GARIN1A: variants seen among roughly 807,000 people sequenced by gnomAD.
GARIN1A encodes Golgi-associated RAB2 interactor protein 1A.
the GARIN1A span, chr7:128,677,587 A>G: frequency 6.2e-7 from 1 of 1,610,496 alleles, no homozygotes; most frequent in South Asian, 1.1e-5. Context: ...AAGTACGTGG[A>G]GCTACGAATC....
At chr7:128,701,352 A>G in the GARIN1A span, among the ~76,000 whole-genome samples, 2 of 22,580 alleles carry the variant, frequency 8.9e-5, no homozygotes, top group Non-Finnish European at 8.5e-5. Flanking sequence ...GGGGGAGGGG[A>G]GGGGAAGGGG....
the GARIN1A span, among the ~76,000 whole-genome samples, chr7:128,695,756 C>A: frequency 1.3e-5 from 2 of 152,026 alleles, no homozygotes; most frequent in Non-Finnish European, 2.9e-5. This position sits in a 1 kb window ranked among gnomAD's most constrained non-coding sequence, Gnocchi z 4.5. Context: ...GTTGGCCAAG[C>A]TGGTCTTGAA....
chr7:128,688,770 TC>T, the GARIN1A span, among the ~76,000 whole-genome samples: 16 of 6,994 alleles, frequency 2.3e-3, 1 homozygote, highest in African/African-American at 8.9e-3. Flanking sequence ...CCCCTCCCCC[TC>T]CCCTCCCCCT....
the GARIN1A span, chr7:128,684,937 T>G: frequency 6.6e-6 from 1 of 151,814 alleles, no homozygotes; most frequent in East Asian, 1.9e-4. Flanking sequence ...AGTCTTGTTC[T>G]GTTGCCTAGG....
the GARIN1A span, chr7:128,677,864 T>C: frequency 1.4e-6 from 2 of 1,474,390 alleles, no homozygotes; most frequent in East Asian, 5.0e-5. Flanking sequence ...TATATAAGTA[T>C]ATATGTAAGT....
At chr7:128,673,947 G>A in the GARIN1A span, among the ~76,000 whole-genome samples, 1 of 152,008 alleles carries the variant, frequency 6.6e-6, no homozygotes, top group Non-Finnish European at 1.5e-5. Flanking sequence ...TCACTCCGTT[G>A]CCCTGGCATG....
At chr7:128,680,668 G>A in the GARIN1A span, among the ~76,000 whole-genome samples, 2 of 151,456 alleles carry the variant, frequency 1.3e-5, no homozygotes, top group African/African-American at 2.4e-5. Flanking sequence ...GGGTTCAAGC[G>A]ATTCTCTTGC....
chr7:128,685,073 G>C, the GARIN1A span: 1 of 152,160 alleles, frequency 6.6e-6, no homozygotes, highest in South Asian at 2.1e-4. Context: ...GCTAATTTTT[G>C]TATTTTTAGC....
chr7:128,673,550 G>A, the GARIN1A span, among the ~76,000 whole-genome samples: 1 of 152,212 alleles, frequency 6.6e-6, no homozygotes. Flanking sequence ...AGGTCTGCAA[G>A]ACACAGACCC....
chr7:128,691,849 A>T, the GARIN1A span: 4 of 152,274 alleles, frequency 2.6e-5, no homozygotes, highest in Admixed American at 6.5e-5. Flanking sequence ...TGTATCCAGT[A>T]ACCACTCCCT....
chr7:128,679,763 T>C, the GARIN1A span, among the ~76,000 whole-genome samples: 1 of 152,192 alleles, frequency 6.6e-6, no homozygotes. Flanking sequence ...TCAGCAGTTT[T>C]ACAGCCTGAC....
At chr7:128,676,120 C>T in the GARIN1A span, among the ~76,000 whole-genome samples, 2 of 150,950 alleles carry the variant, frequency 1.3e-5, no homozygotes, top group Admixed American at 1.3e-4. Flanking sequence ...CCCGGGTTCA[C>T]GCCATTCACC....
At chr7:128,701,253 T>C in the GARIN1A span, among the ~76,000 whole-genome samples, 1 of 146,516 alleles carries the variant, frequency 6.8e-6, no homozygotes, top group Non-Finnish European at 1.5e-5. Context: ...TTCCACCAAG[T>C]GAAAATAGCA....
chr7:128,696,878 G>A, the GARIN1A span, among the ~76,000 whole-genome samples: 1 of 152,176 alleles, frequency 6.6e-6, no homozygotes, highest in Admixed American at 6.5e-5. Flanking sequence ...TCTGGCAGGT[G>A]AAGAACATGT....
the GARIN1A span, chr7:128,680,168 C>T: frequency 6.9e-7 from 1 of 1,439,502 alleles, no homozygotes; most frequent in East Asian, 2.5e-5. Flanking sequence ...TCTGTGGGGT[C>T]AGCTCCAGAT....
chr7:128,678,332 A>G, the GARIN1A span, among the ~76,000 whole-genome samples: 1 of 152,076 alleles, frequency 6.6e-6, no homozygotes, highest in Non-Finnish European at 1.5e-5. Flanking sequence ...GTATTTGTTT[A>G]TTATTGTAAA....
the GARIN1A span, among the ~76,000 whole-genome samples, chr7:128,671,729 C>T: frequency 4.0e-4 from 61 of 152,022 alleles, no homozygotes; most frequent in Non-Finnish European, 8.1e-4. Flanking sequence ...AACCAGCTCT[C>T]GTGACCTGTT....
chr7:128,673,510 C>T, the GARIN1A span, among the ~76,000 whole-genome samples: 1 of 152,068 alleles, frequency 6.6e-6, no homozygotes, highest in African/African-American at 2.4e-5. Flanking sequence ...CTTCAAAGTA[C>T]CTAAGGAAAG....
chr7:128,678,027 T>C, the GARIN1A span: 36 of 371,714 alleles, frequency 9.7e-5, no homozygotes, highest in East Asian at 2.1e-4. Context: ...TTTTTTTTTT[T>C]TTTTTTTTTT....
Sources: allele counts gnomAD v4.1 joint callset (sites outside exome capture counted in the v4.1 genomes callset), GRCh38; gene constraint gnomAD v4.1.1; non-coding constraint Gnocchi (gnomAD v3.1); transcripts MANE v1.5; gene names NCBI Gene and HGNC (gene_info 2026-07-23, HGNC 2026-07-21).